ZKSCAN5: variants seen among roughly 807,000 people sequenced by gnomAD.
The protein encoded by ZKSCAN5 is zinc finger with KRAB and SCAN domains 5, also known as zinc finger protein with KRAB and SCAN domains 5.
Under a neutral mutation model 60.0 loss-of-function variants are expected in ZKSCAN5, and 28 were observed. The observed-to-expected ratio is 0.47, with a 90% CI of 0.35 to 0.64. The LOEUF (loss-of-function observed/expected upper bound fraction) is 0.64. ZKSCAN5 is among the 30% of genes least tolerant of loss of function. The probability of loss-of-function intolerance (pLI) is 0.01; values close to 1 mark genes in which losing one functional copy is unlikely to be tolerated. For missense variants in ZKSCAN5, 881 were observed against 1,034.6 expected (o/e 0.85, Z 2.04); for synonymous variants, 361 against 371.2 (o/e 0.97, Z 0.31).
intron 3 of ZKSCAN5, 86 bp from the exon 4 acceptor site, chr7:99,519,741 T>C: frequency 7.3e-7 from 1 of 1,371,682 alleles, no homozygotes; most frequent in African/African-American, 1.4e-5. Context: ...GGGGCCATTA[T>C]GGATTCCTGA....
chr7:99,516,396 G>A (rs533956500), intron 3 of ZKSCAN5, among the ~76,000 whole-genome samples: 9 of 152,084 alleles, frequency 5.9e-5, no homozygotes, highest in South Asian at 4.2e-4. Context: ...AGCCACTCCC[G>A]GTTTCAGATC....
chr7:99,525,864 ACT>A lies in ZKSCAN5; in HGVS notation c.827_828del (p.Ser276Ter). 6.2e-7 allele frequency: 1 copy of A among 1,613,832 alleles called. No individual in the cohort carries two copies. The highest frequency in any genetic ancestry group is 8.5e-7 in the Non-Finnish European group (1 of 1,179,942). On this transcript the variant is annotated frameshift_variant, in exon 6 of 7. Transcript: ENST00000326775. LOFTEE classifies it high-confidence loss of function. ...CTCATAGTGAAGCAGATTTCTGATGACTCTGAATCACACTGGGTGGCGCCAGA... is the reference window on the plus strand; with the variant it reads ...CTCATAGTGAAGCAGATTTCTGATGACTGAATCACACTGGGTGGCGCCAGA...
At chr7:99,525,726 A>G (rs1584197154) in intron 5 of ZKSCAN5, 87 bp from the exon 6 acceptor site, 2 of 1,496,410 alleles carry the variant, frequency 1.3e-6, no homozygotes, top group Admixed American at 2.1e-5. Flanking sequence ...TCCCTAGCAC[A>G]TGTCAGTTTC....
At position 99,526,151 on chromosome 7, in the gene ZKSCAN5, G is replaced by A; in HGVS notation, c.1111G>A (p.Glu371Lys). The change falls in exon 6 of 7, where the codon GAA (glutamate) becomes AAA (lysine). Residue 371 changes from glutamate to lysine, a missense_variant. Physicochemically the swap from Glu to Lys is moderately conservative, Grantham distance 56. Coordinates refer to ENST00000326775, the MANE Select transcript of ZKSCAN5 (RefSeq NM_145102.4). ...TCAGCATCGGCGCATCCACACTGGA[G>A]AAAAACCGTTTAAGTGCGGAGAATG... is the stretch of plus-strand genomic sequence containing the variant. ...FIQHRRIHTGEKPFKCGECGK... is the reference protein window; with the variant it reads ...FIQHRRIHTGKKPFKCGECGK... The A allele has an allele frequency of 6.2e-7, 1 of 1,614,200 alleles. No homozygotes were observed. The highest frequency in any genetic ancestry group is 8.5e-7 in the Non-Finnish European group (1 of 1,180,050).
At chr7:99,506,493 A>C in intron 2 of ZKSCAN5, 35 bp downstream of exon 2, 1 of 1,574,046 alleles carries the variant, frequency 6.4e-7, no homozygotes, top group Non-Finnish European at 8.6e-7. Flanking sequence ...GCAATGAAGG[A>C]GAGGAGTGAA....
intron 6 of ZKSCAN5, among the ~76,000 whole-genome samples, chr7:99,527,267 C>T (rs963794028): frequency 6.6e-6 from 1 of 152,184 alleles, no homozygotes; most frequent in Non-Finnish European, 1.5e-5. Context: ...AAGTTCAAGA[C>T]TACAGTGAGC....
chr7:99,530,923 CA>C (rs1210178619), intron 6 of ZKSCAN5, among the ~76,000 whole-genome samples, 184 bp from the exon 7 acceptor site: 1 of 151,946 alleles, frequency 6.6e-6, no homozygotes, highest in Non-Finnish European at 1.5e-5. Flanking sequence ...TGGGTGTGGT[CA>C]TGCACGCCTG....
At chr7:99,505,639 C>T (rs1040744860) in intron 1 of ZKSCAN5, 1 of 173,754 alleles carries the variant, frequency 5.8e-6, no homozygotes, top group Non-Finnish European at 1.3e-5. Flanking sequence ...TTAAGTTCGT[C>T]TTATGGTAGA....
intron 3 of ZKSCAN5, among the ~76,000 whole-genome samples, chr7:99,515,140 C>A (rs1801206679): frequency 6.6e-6 from 1 of 151,976 alleles, no homozygotes; most frequent in Non-Finnish European, 1.5e-5. Context: ...GGTGGTGGCT[C>A]ACGCTTGTAA....
Position 99,526,392 on chromosome 7 carries a change from G to T in ZKSCAN5, c.1352G>T (p.Arg451Leu), listed in dbSNP as rs749795162. 6.2e-7 allele frequency: 1 copy of T among 1,600,558 alleles called. No homozygotes were observed. The highest frequency in any genetic ancestry group is 1.1e-5 in the South Asian group (1 of 91,038). ...RHSHLIEHLK[R>L]HFREKSQRCS... is the part of the protein sequence containing the mutation. ...TCGCATCTGATCGAACACCTAAAAC[G>T]CCACTTCAGGGAGAAATCCCAGAGA... Residue 451 changes from arginine (R) to leucine (L), a missense_variant, in exon 6 of 7, where the codon CGC becomes CTC. Arg to Leu is a moderately radical substitution (Grantham distance 102). This residue lies in a region of ZKSCAN5 where 490 missense variants were observed against 554.5 expected (regional missense o/e 0.88). Coordinates refer to ENST00000326775, the MANE Select transcript of ZKSCAN5 (RefSeq NM_145102.4).
intron 2 of ZKSCAN5, among the ~76,000 whole-genome samples, chr7:99,508,324 G>A (rs1241177042): frequency 6.6e-6 from 1 of 151,354 alleles, no homozygotes; most frequent in African/African-American, 2.4e-5. Flanking sequence ...TTGTAATTTT[G>A]ATAGCTGTTG....
At chr7:99,506,584 T>G (rs1006637518) in intron 2 of ZKSCAN5, 126 bp downstream of exon 2, 11 of 1,154,794 alleles carry the variant, frequency 9.5e-6, no homozygotes, top group Non-Finnish European at 1.3e-5. Context: ...TTAGGTACCC[T>G]GTGACTTCCT....
At chr7:99,512,663 C>T in intron 3 of ZKSCAN5, 72 bp downstream of exon 3, 3 of 1,542,310 alleles carry the variant, frequency 1.9e-6, no homozygotes, top group Non-Finnish European at 2.6e-6. Flanking sequence ...CAGGCACTAT[C>T]TGCGGGAGAG....
intron 5 of ZKSCAN5, among the ~76,000 whole-genome samples, chr7:99,522,807 G>T (rs534903877): frequency 7.2e-4 from 109 of 151,748 alleles, no homozygotes; most frequent in African/African-American, 2.5e-3. Flanking sequence ...GTTAATGGGA[G>T]AAATTTTCAG....
At chr7:99,530,509 A>AT (rs905300510) in intron 6 of ZKSCAN5, among the ~76,000 whole-genome samples, 11 of 148,150 alleles carry the variant, frequency 7.4e-5, no homozygotes, top group Non-Finnish European at 1.3e-4. Flanking sequence ...TTTTGATGGG[A>AT]TTTTTTTTTT....
chr7:99,531,720 G>A lies in ZKSCAN5; in HGVS notation c.1991G>A (p.Arg664His), dbSNP rs576484893. ...LHSREKSHQC[R>H]ECGEIFFQYV... Reference sequence around the variant, plus strand: ...TCCCGAGAGAAATCCCATCAGTGTCGTGAATGTGGGGAAATCTTTTTTCAG... The same window carrying A: ...TCCCGAGAGAAATCCCATCAGTGTCATGAATGTGGGGAAATCTTTTTTCAG... Residue 664 changes from arginine (R) to histidine (H), a missense_variant, in exon 7 of 7, where the codon CGT (arginine) becomes CAT (histidine). Coordinates refer to ENST00000326775, the MANE Select transcript of ZKSCAN5 (RefSeq NM_145102.4). 3.7e-5 allele frequency: 60 copies of A among 1,614,150 alleles called. No homozygotes were observed. Among genetic ancestry groups the A allele is most frequent in the East Asian group, 2.0e-4 (9 of 44,882 alleles).
Position 99,531,960 on chromosome 7 carries a change from C to T in ZKSCAN5, c.2231C>T (p.Pro744Leu). ...TACAGAACTCATACAGCAGAGAAGCCCTATCAATGTGATATATGTAGAGAA... is the reference window on the plus strand; with the variant it reads ...TACAGAACTCATACAGCAGAGAAGCTCTATCAATGTGATATATGTAGAGAA... ...QHYRTHTAEKPYQCDICRENV... is the reference protein window; with the variant it reads ...QHYRTHTAEKLYQCDICRENV... Residue 744 changes from proline (P) to leucine (L), a missense_variant, in exon 7 of 7, where the codon CCC becomes CTC. Around this residue, in one of 5 missense-constraint regions of ZKSCAN5, gnomAD observed 138 missense variants for 143.8 expected, o/e 0.96. Transcript: ENST00000326775. 1.2e-6 allele frequency: 2 copies of T among 1,614,116 alleles called. No individual in the cohort carries two copies. Among genetic ancestry groups the T allele is most frequent in the Non-Finnish European group, 1.7e-6 (2 of 1,180,016 alleles).
intron 6 of ZKSCAN5, among the ~76,000 whole-genome samples, chr7:99,526,983 T>C (rs1397043685): frequency 6.6e-5 from 10 of 152,152 alleles, no homozygotes; most frequent in Non-Finnish European, 1.5e-4. Flanking sequence ...TTGGCTCTCT[T>C]ATATGCTTTT....
At chr7:99,523,283 G>A (rs1021399950) in intron 5 of ZKSCAN5, among the ~76,000 whole-genome samples, 1 of 151,868 alleles carries the variant, frequency 6.6e-6, no homozygotes, top group Non-Finnish European at 1.5e-5. Flanking sequence ...ACTGACCTTG[G>A]CTCGAGAGAC....
Sources: gnomAD v4.1 joint callset for allele counts (sites outside exome capture counted in the v4.1 genomes callset) on GRCh38, gnomAD v4.1.1 for gene constraint, gnomAD v4.1.1 regional missense constraint, MANE v1.5 for transcripts, NCBI Gene and HGNC (gene_info 2026-07-23, HGNC 2026-07-21) for gene names.